The following FAM193A variants were observed in gnomAD, a reference collection of about 807,000 sequenced individuals.
FAM193A encodes protein FAM193A.
Under a neutral mutation model 126.5 loss-of-function variants are expected in FAM193A, and 22 were observed. The ratio of observed to expected loss-of-function variants is 0.17; its 90% CI spans 0.12 to 0.25. The LOEUF (loss-of-function observed/expected upper bound fraction) is 0.25. Ranked by LOEUF, FAM193A falls within the 10% of genes least tolerant of loss-of-function variation. FAM193A has a pLI of 1.00. For synonymous variants in FAM193A, 761 were observed against 646.8 expected (o/e 1.18, Z -2.68); for missense variants, 1,675 against 1,672.8 (o/e 1.00, Z -0.02).
intron 13 of FAM193A, among the ~76,000 whole-genome samples, chr4:2,681,003 CT>C (rs1265178653): frequency 1.3e-5 from 2 of 152,118 alleles, no homozygotes; most frequent in Admixed American, 6.5e-5. Flanking sequence ...TAATTTTCTG[CT>C]TTTTAGAGAT....
intron 1 of FAM193A, among the ~76,000 whole-genome samples, chr4:2,563,189 T>C (rs4083237): frequency 0.98 from 149,631 of 151,976 alleles, 73,690 homozygotes; most frequent in Middle Eastern, 1. Flanking sequence ...GTGATCCGCC[T>C]GCCTCTGCCT....
At chr4:2,594,236 C>T (rs1035734414) in intron 1 of FAM193A, among the ~76,000 whole-genome samples, 6 of 152,120 alleles carry the variant, frequency 3.9e-5, no homozygotes, top group African/African-American at 9.7e-5. Flanking sequence ...TGCTTCCTGC[C>T]GGTCAGCAGG....
At chr4:2,634,917 A>G (rs911432814) in intron 5 of FAM193A, among the ~76,000 whole-genome samples, 2 of 152,206 alleles carry the variant, frequency 1.3e-5, no homozygotes, top group African/African-American at 4.8e-5. Flanking sequence ...CCAGATGCGC[A>G]GTTAATCAGC....
intron 17 of FAM193A, 83 bp from the exon 18 acceptor site, chr4:2,696,280 C>A: frequency 2.3e-6 from 2 of 861,740 alleles, no homozygotes; most frequent in Non-Finnish European, 3.7e-6. Flanking sequence ...AGTAATAAAA[C>A]AGTTTATTTT....
intron 19 of FAM193A, among the ~76,000 whole-genome samples, chr4:2,713,081 G>A (rs181939373): frequency 3.2e-4 from 47 of 149,130 alleles, no homozygotes; most frequent in Admixed American, 5.4e-4. Flanking sequence ...CTCCAGCCTG[G>A]GCGACAGAGC....
At chr4:2,604,946 C>T (rs1262651352) in intron 2 of FAM193A, among the ~76,000 whole-genome samples, 5 of 150,540 alleles carry the variant, frequency 3.3e-5, no homozygotes, top group South Asian at 2.1e-4. Context: ...TACAGCTGCA[C>T]GCCAACAGTC....
Position 2,663,688 on chromosome 4 carries a change from C to T in FAM193A, c.2079+400C>T, listed in dbSNP as rs530614271. 1.3e-4 allele frequency among the ~76,000 whole-genome samples: 20 copies of T among 152,202 alleles called. 1 individual carries two copies. In the East Asian group the frequency reaches 2.1e-3, roughly 16 times the overall value. On this transcript the variant is annotated intron_variant, in intron 12 of 20. Coordinates refer to ENST00000637812, the MANE Select transcript of FAM193A (RefSeq NM_001366318.2). ...ATAGATGCTTAAACAAGTTTTTGGC[C>T]GGGCGCAGTGGCTCACGCCTGTAAT...
intron 20 of FAM193A, among the ~76,000 whole-genome samples, chr4:2,729,673 C>T (rs1172285938): frequency 1.3e-5 from 2 of 152,158 alleles, no homozygotes; most frequent in Non-Finnish European, 2.9e-5. Context: ...TACCTGCCAC[C>T]GGCAACAGGC....
chr4:2,708,341 T>C (rs1188923465), intron 19 of FAM193A: 1 of 260,576 alleles, frequency 3.8e-6, no homozygotes, highest in East Asian at 1.5e-4. Flanking sequence ...GTCAAGTTGG[T>C]CTACAACTCC....
chr4:2,723,190 C>T (rs1720350846), intron 20 of FAM193A, among the ~76,000 whole-genome samples: 1 of 152,012 alleles, frequency 6.6e-6, no homozygotes. Context: ...AGGAGAATGG[C>T]GTGAATCCAG....
intron 2 of FAM193A, among the ~76,000 whole-genome samples, chr4:2,601,142 A>G (rs1192641326): frequency 6.6e-6 from 1 of 151,680 alleles, no homozygotes; most frequent in Non-Finnish European, 1.5e-5. Flanking sequence ...AAAAATTGGC[A>G]GAGTTACTGG....
intron 13 of FAM193A, among the ~76,000 whole-genome samples, chr4:2,674,206 C>T (rs80300805): frequency 4.6e-5 from 7 of 152,258 alleles, no homozygotes; most frequent in Admixed American, 1.3e-4. Flanking sequence ...TGAAAATGTT[C>T]GTTTCTGTAA....
In FAM193A at chr4:2,639,829, G is replaced by A. The variant is rs768677662; in HGVS notation, c.1133G>A (p.Ser378Asn). 6.2e-7 allele frequency: 1 copy of A among 1,613,998 alleles called. No homozygotes were observed. Among genetic ancestry groups the A allele is most frequent in the African/African-American group, 1.3e-5 (1 of 74,926 alleles). Reference sequence around the variant, plus strand: ...GTCTTTTCGGAGCCACTTCTTCAGAGCAACTTGCCCGCACTGGTGTCACAG... The same window carrying A: ...GTCTTTTCGGAGCCACTTCTTCAGAACAACTTGCCCGCACTGGTGTCACAG... ...NLVFSEPLLQ[S>N]NLPALVSQIR... The change falls in exon 6 of 21, where the codon AGC becomes AAC. Residue 378 changes from serine (S) to asparagine (N), a missense_variant. Ser to Asn is a conservative substitution (Grantham distance 46). Around this residue, in one of 4 missense-constraint regions of FAM193A, gnomAD observed 1,186 missense variants for 1,109.2 expected, o/e 1.07. Transcript: ENST00000637812.
chr4:2,553,658 C>T (rs1223487514), intron 1 of FAM193A, among the ~76,000 whole-genome samples: 5 of 152,080 alleles, frequency 3.3e-5, no homozygotes, highest in Non-Finnish European at 7.4e-5. Flanking sequence ...GGATTACAGG[C>T]GTGACTTCTC....
chr4:2,689,192 G>A (rs1015115779), intron 13 of FAM193A, among the ~76,000 whole-genome samples: 1 of 152,196 alleles, frequency 6.6e-6, no homozygotes, highest in Non-Finnish European at 1.5e-5. Flanking sequence ...CAGATCTTAC[G>A]ACGCACATGG....
Position 2,717,152 on chromosome 4 carries a change from G to T in FAM193A, c.4454+1048G>T, listed in dbSNP as rs557033652. Reference sequence around the variant, plus strand: ...CTGCCACCACGCCTGGCTAATTTTTGTATTTTTGGTGGAAACAGGGTTTTG... The same window carrying T: ...CTGCCACCACGCCTGGCTAATTTTTTTATTTTTGGTGGAAACAGGGTTTTG... On this transcript the variant is annotated intron_variant, in intron 20 of 20. Transcript: ENST00000637812. 7.3e-5 allele frequency among the ~76,000 whole-genome samples: 11 copies of T among 151,696 alleles called. No individual in the cohort carries two copies. In the South Asian group the frequency reaches 1.7e-3, roughly 23 times the overall value.
chr4:2,644,204 A>G, intron 6 of FAM193A, among the ~76,000 whole-genome samples: 1 of 152,184 alleles, frequency 6.6e-6, no homozygotes, highest in South Asian at 2.1e-4. Context: ...ACCAACAAAG[A>G]TATCCACAAA....
At chr4:2,692,165 T>C (rs1716461642) in intron 15 of FAM193A, among the ~76,000 whole-genome samples, 1 of 152,240 alleles carries the variant, frequency 6.6e-6, no homozygotes, top group South Asian at 2.1e-4. Flanking sequence ...AGAGTTTTAA[T>C]TGAGTCACAG....
intron 1 of FAM193A, among the ~76,000 whole-genome samples, chr4:2,560,260 C>A (rs756685768): frequency 1.3e-5 from 2 of 152,088 alleles, no homozygotes; most frequent in Non-Finnish European, 2.9e-5. Flanking sequence ...GCTTTTCTTT[C>A]CAGTGAGTTC....
Sources: gnomAD v4.1 joint callset for allele counts (sites outside exome capture counted in the v4.1 genomes callset) on GRCh38, gnomAD v4.1.1 for gene constraint, gnomAD v4.1.1 regional missense constraint, MANE v1.5 for transcripts, NCBI Gene and HGNC (gene_info 2026-07-23, HGNC 2026-07-21) for gene names.